NFASC: variants seen among roughly 807,000 people sequenced by gnomAD.
NFASC encodes neurofascin homolog.
Under a neutral mutation model 147.5 loss-of-function variants are expected in NFASC, and 43 were observed. That is an observed-to-expected ratio of 0.29 (90% CI 0.23 to 0.38). NFASC has a LOEUF of 0.38. Among genes scored for constraint, NFASC ranks in the 10% least tolerant of loss-of-function variants. NFASC has a pLI of 1.00. For missense variants in NFASC, 1,320 were observed against 1,689.0 expected (o/e 0.78, Z 3.83); for synonymous variants, 622 against 665.5 (o/e 0.93, Z 1.01).
At chr1:204,985,553 T>C (rs2095599821) in intron 21 of NFASC, among the ~76,000 whole-genome samples, 1 of 152,324 alleles carries the variant, frequency 6.6e-6, no homozygotes, top group Non-Finnish European at 1.5e-5. Flanking sequence ...TGGCTCACTA[T>C]TTTTGGTTCT....
intron 3 of NFASC, chr1:204,946,856 G>T (rs961139649): frequency 6.2e-6 from 3 of 482,004 alleles, no homozygotes; most frequent in Non-Finnish European, 1.3e-5. Context: ...ACCAAGCGAG[G>T]CCAGCCGCCC....
At position 204,986,002 on chromosome 1, in the gene NFASC, C is replaced by T. The variant is rs781738429; in HGVS notation, c.2471-1416C>T. The T allele has an allele frequency of 6.2e-7, 1 of 1,613,824 alleles. No individual in the cohort carries two copies. The highest frequency in any genetic ancestry group is 8.5e-7 in the Non-Finnish European group (1 of 1,179,780). On this transcript the variant is annotated intron_variant, in intron 21 of 29. Coordinates refer to ENST00000339876, the MANE Select transcript of NFASC (RefSeq NM_001005388.3). This position sits in a 1 kb window ranked among gnomAD's most constrained non-coding sequence, Gnocchi z 4.2. ...GCTTCCCTGGTGACCGCCTCCGTGGCGTGGTGTCCCGCCTCTTCCCCTACA... is the reference window on the plus strand; with the variant it reads ...GCTTCCCTGGTGACCGCCTCCGTGGTGTGGTGTCCCGCCTCTTCCCCTACA...
At chr1:204,910,155 G>GTA (rs3046346) in intron 1 of NFASC, among the ~76,000 whole-genome samples, 32,302 of 151,668 alleles carry the variant, frequency 0.21, 3,836 homozygotes, top group East Asian at 0.43. Flanking sequence ...CATTAAACCA[G>GTA]TATATATATA....
rs1326700770 is a variant in NFASC, at chr1:204,887,034, T to C, written c.-199-33598T>C. On this transcript the variant is annotated intron_variant, in intron 1 of 29. Coordinates refer to ENST00000339876, the MANE Select transcript of NFASC (RefSeq NM_001005388.3). ...TACCATTTTAATCATTTCAGTTGTA[T>C]GGTTCTGTGATATTAAGTACATGTA... 2.6e-5 allele frequency among the ~76,000 whole-genome samples: 4 copies of C among 152,216 alleles called. No homozygotes were observed. In the East Asian group the frequency reaches 7.7e-4, roughly 29 times the overall value.
chr1:204,901,054 A>G (rs1456110898), intron 1 of NFASC, among the ~76,000 whole-genome samples: 3 of 152,128 alleles, frequency 2.0e-5, no homozygotes, highest in African/African-American at 7.2e-5. Flanking sequence ...AGAGGAGGCA[A>G]AGAGCACTCT....
intron 1 of NFASC, among the ~76,000 whole-genome samples, chr1:204,834,094 G>A (rs1329731183): frequency 9.2e-5 from 14 of 152,150 alleles, no homozygotes; most frequent in Non-Finnish European, 1.6e-4. Flanking sequence ...ACCATCAGGT[G>A]TATAAGCAAA....
At chr1:204,894,026 G>C (rs2082924069) in intron 1 of NFASC, among the ~76,000 whole-genome samples, 1 of 152,202 alleles carries the variant, frequency 6.6e-6, no homozygotes, top group African/African-American at 2.4e-5. Flanking sequence ...AAAGGACCCA[G>C]GCTTTTTTTG....
intron 1 of NFASC, among the ~76,000 whole-genome samples, chr1:204,873,807 C>T (rs2078196439): frequency 1.3e-5 from 2 of 152,170 alleles, no homozygotes; most frequent in South Asian, 4.1e-4. Context: ...CCCTCTGTCA[C>T]CCTGATCTGT....
intron 2 of NFASC, 82 bp downstream of exon 2, chr1:204,920,822 T>A: frequency 8.4e-6 from 5 of 598,318 alleles, no homozygotes; most frequent in Non-Finnish European, 1.1e-5. Flanking sequence ...CCCTTCTCTT[T>A]GATAAGGGAA....
chr1:204,878,618 A>G (rs190341575), intron 1 of NFASC, among the ~76,000 whole-genome samples: 42 of 152,364 alleles, frequency 2.8e-4, no homozygotes, highest in Admixed American at 7.8e-4. Flanking sequence ...AGAGTGTAGT[A>G]TAATGAATCC....
At chr1:204,957,973 T>G (rs2094502336) in intron 8 of NFASC, 147 bp downstream of exon 8, 1 of 688,728 alleles carries the variant, frequency 1.5e-6, no homozygotes, top group Non-Finnish European at 2.5e-6. Context: ...CTGAGCCACT[T>G]CAGCTGCTCT....
At chr1:204,989,055 C>T (rs1156398238) in intron 23 of NFASC, 2 of 550,724 alleles carry the variant, frequency 3.6e-6, no homozygotes, top group Non-Finnish European at 6.5e-6. Flanking sequence ...TGCTCAGTCA[C>T]TTGACATCTA....
Position 204,954,809 on chromosome 1 carries a change from C to T in NFASC, c.413-20C>T, listed in dbSNP as rs1558239259. ...CCAGCCATCACCCTCACTTTATCCT[C>T]TTTGTCCACTTCTCTCCAGAATCTC... On this transcript the variant is annotated intron_variant, in intron 6 of 29. Transcript: ENST00000339876. This position sits in a 1 kb window ranked among gnomAD's most constrained non-coding sequence, Gnocchi z 5.7. 1 of 1,613,810 alleles carries T rather than the reference C, an allele frequency of 6.2e-7. No homozygotes were observed. Among genetic ancestry groups the T allele is most frequent in the African/African-American group, 1.3e-5 (1 of 74,922 alleles).
At chr1:204,925,279 A>G (rs751850916) in intron 2 of NFASC, among the ~76,000 whole-genome samples, 1 of 152,224 alleles carries the variant, frequency 6.6e-6, no homozygotes, top group Non-Finnish European at 1.5e-5. Context: ...AAATAAGTGC[A>G]TTTATCCCAC....
intron 1 of NFASC, among the ~76,000 whole-genome samples, chr1:204,852,224 C>T (rs955893149): frequency 6.6e-6 from 1 of 152,112 alleles, no homozygotes; most frequent in Non-Finnish European, 1.5e-5. Context: ...TAAGGCTTGG[C>T]GTGGTAGCTC....
At position 204,986,181 on chromosome 1, in the gene NFASC, A is replaced by G. The variant is rs1024748801; in HGVS notation, c.2471-1237A>G. ...GGTGGCACACACCTTGGGCCTGGAG[A>G]AACTCCAGCGTGGCTCAGCATGGAT... On this transcript the variant is annotated intron_variant, in intron 21 of 29. Transcript: ENST00000339876. The surrounding 1 kb of genome is among the most constrained non-coding windows in gnomAD (Gnocchi z 4.2). 6 of 1,254,354 alleles carry G rather than the reference A, an allele frequency of 4.8e-6. 1 individual carries two copies. Among genetic ancestry groups the G allele is most frequent in the Middle Eastern group, 3.9e-4 (2 of 5,150 alleles). 77.7% of individuals were successfully genotyped at this position (1,254,354 alleles called of 1,614,324 possible). A position where few individuals can be genotyped will look rare whatever the true frequency, so the allele number is the denominator to read the frequency against.
intron 1 of NFASC, among the ~76,000 whole-genome samples, chr1:204,906,898 T>C (rs1044482676): frequency 5.9e-5 from 9 of 152,280 alleles, no homozygotes; most frequent in Middle Eastern, 3.4e-3. Flanking sequence ...TTAGCCAGGA[T>C]GGTCTGCATC....
chr1:204,989,240 G>T (rs933553983), intron 23 of NFASC: 1 of 200,096 alleles, frequency 5.0e-6, no homozygotes, highest in Middle Eastern at 2.1e-3. Context: ...AGGCACATGG[G>T]TTCAAGGAGG....
Position 204,979,171 on chromosome 1 carries a change from T to C in NFASC, c.1978+102T>C. 1.9e-6 allele frequency: 2 copies of C among 1,078,904 alleles called. No homozygotes were observed. The highest frequency in any genetic ancestry group is 2.9e-5 in the South Asian group (2 of 68,170). The allele number at this position is 1,078,904 out of a possible 1,614,324, so 66.8% of individuals were successfully genotyped here. ...CCAGCCCCACTTCTGCCTCGCTTGATGTGTGTCCTGGGCTAACCTCAGAAT... is the reference window on the plus strand; with the variant it reads ...CCAGCCCCACTTCTGCCTCGCTTGACGTGTGTCCTGGGCTAACCTCAGAAT... On this transcript the variant is annotated intron_variant, in intron 18 of 29. Coordinates refer to ENST00000339876, the MANE Select transcript of NFASC (RefSeq NM_001005388.3). The surrounding 1 kb of genome is among the most constrained non-coding windows in gnomAD (Gnocchi z 6.0).
Sources: allele counts gnomAD v4.1 joint callset (sites outside exome capture counted in the v4.1 genomes callset), GRCh38; gene constraint gnomAD v4.1.1; non-coding constraint Gnocchi (gnomAD v3.1); transcripts MANE v1.5; gene names NCBI Gene and HGNC (gene_info 2026-07-23, HGNC 2026-07-21).